Variants in CYP46A1 observed in about 807,000 individuals in gnomAD.
CYP46A1 encodes cholesterol 24-hydroxylase.
In CYP46A1, 20 loss-of-function variants were observed where a neutral mutation model predicts 63.3. The observed-to-expected ratio is 0.32, with a 90% confidence interval of 0.22 to 0.46. The LOEUF (loss-of-function observed/expected upper bound fraction) is 0.46, where lower values mean the gene tolerates loss of function less well. Ranked by LOEUF, CYP46A1 falls within the 20% of genes least tolerant of loss-of-function variation. The pLI is 1.00. For synonymous variants in CYP46A1, 268 were observed against 273.6 expected (o/e 0.98, Z 0.20); for missense variants, 445 against 670.8 (o/e 0.66, Z 3.72).
rs1463040084 is a variant in CYP46A1 at position 99,725,120 on chromosome 14, G to C, written c.1177-271G>C. On this transcript the variant is annotated intron_variant, in intron 12 of 14. Coordinates refer to ENST00000261835, the MANE Select transcript of CYP46A1 (RefSeq NM_006668.2). This position sits in a 1 kb window ranked among gnomAD's most constrained non-coding sequence, Gnocchi z 4.2. ...TCTCAGTTTCCTCATCTGTAAAATGGGGACAATGACGGCTCCCCTACAGGG... is the reference window on the plus strand; with the variant it reads ...TCTCAGTTTCCTCATCTGTAAAATGCGGACAATGACGGCTCCCCTACAGGG... Among the ~76,000 whole-genome samples, 1 of 152,150 alleles carries C rather than the reference G, an allele frequency of 6.6e-6. No individual in the cohort carries two copies. The highest frequency in any genetic ancestry group is 2.4e-5 in the African/African-American group (1 of 41,430).
chr14:99,688,532 G>A (rs560696969), intron 1 of CYP46A1, among the ~76,000 whole-genome samples: 1 of 152,214 alleles, frequency 6.6e-6, no homozygotes, highest in South Asian at 2.1e-4. Flanking sequence ...GGTAGCCCAG[G>A]CCAACCTGCC....
chr14:99,726,214 C>T lies in CYP46A1; in HGVS notation c.1290C>T (p.Phe430=). The T allele has an allele frequency of 6.2e-7, 1 of 1,613,992 alleles. No homozygotes were observed. Among genetic ancestry groups the T allele is most frequent in the Non-Finnish European group, 8.5e-7 (1 of 1,180,000 alleles). ...GGCCACGGTTCACCTACTTCCCCTT[C>T]TCCCTGGGCCACCGCTCCTGCATCG... is the stretch of plus-strand genomic sequence containing the variant. ...APKPRFTYFP[F]SLGHRSCIGQ... The change falls in exon 14 of 15, where the codon TTC becomes TTT. Residue 430 remains phenylalanine, a synonymous_variant. Transcript: ENST00000261835.
chr14:99,723,378 G>A (rs552543867), intron 12 of CYP46A1, among the ~76,000 whole-genome samples: 2 of 152,180 alleles, frequency 1.3e-5, no homozygotes, highest in East Asian at 3.9e-4. Context: ...GCGCCATCTC[G>A]GCTCACTGCA....
rs796648210 is a variant in CYP46A1, at chr14:99,713,878, A to AC, written c.694-1932_694-1931insC. Among the ~76,000 whole-genome samples the AC allele has an allele frequency of 1.1e-3, 161 of 149,616 alleles. 3 individuals are homozygous for AC. The East Asian group carries it at 0.021, about 19-fold the overall frequency. On this transcript the variant is annotated intron_variant, in intron 7 of 14. Coordinates refer to ENST00000261835, the MANE Select transcript of CYP46A1 (RefSeq NM_006668.2). ...GAGACTCCATCTCAAAAAAAAAAAAAAAAAAAAAAAAAGACGTGTGACTAT... is the reference window on the plus strand; with the variant it reads ...GAGACTCCATCTCAAAAAAAAAAAAACAAAAAAAAAAAAGACGTGTGACTAT...
chr14:99,718,229 C>CAGGGGAAGCAGGGCA, intron 10 of CYP46A1, 103 bp downstream of exon 10: 11 of 940,260 alleles, frequency 1.2e-5, no homozygotes, highest in Non-Finnish European at 1.8e-5. Context: ...TCAACATGCC[C>CAGGGGAAGCAGGGCA]TGCTTCCCCT....
At position 99,722,535 on chromosome 14, in the gene CYP46A1, T is replaced by C. The variant is rs1332873423; in HGVS notation, c.1176+469T>C. ...TTTATCCATTCATCCAGGCATTTACTCATGTATGATAGCCCCTAAACCCAC... is the reference window on the plus strand; with the variant it reads ...TTTATCCATTCATCCAGGCATTTACCCATGTATGATAGCCCCTAAACCCAC... On this transcript the variant is annotated intron_variant, in intron 12 of 14. Transcript: ENST00000261835. This position sits in a 1 kb window ranked among gnomAD's most constrained non-coding sequence, Gnocchi z 4.6. Among the ~76,000 whole-genome samples, 4 of 152,056 alleles carry C rather than the reference T, an allele frequency of 2.6e-5. No individual in the cohort carries two copies. The highest frequency in any genetic ancestry group is 5.9e-5 in the Non-Finnish European group (4 of 68,018).
At chr14:99,721,016 G>A (rs112598429) in intron 10 of CYP46A1, among the ~76,000 whole-genome samples, 7,016 of 151,910 alleles carry the variant, frequency 0.046, 511 homozygotes, top group African/African-American at 0.16. Flanking sequence ...ATCCTGGGGG[G>A]AGGGCGGAGG....
intron 5 of CYP46A1, among the ~76,000 whole-genome samples, chr14:99,703,042 G>T (rs929943201): frequency 1.3e-5 from 2 of 152,146 alleles, no homozygotes; most frequent in Admixed American, 6.5e-5. Context: ...GGACAGTTTT[G>T]TAGATGGTTC....
intron 1 of CYP46A1, among the ~76,000 whole-genome samples, chr14:99,687,227 CTTCT>C (rs1456274129): frequency 6.6e-6 from 1 of 152,200 alleles, no homozygotes; most frequent in African/African-American, 2.4e-5. Flanking sequence ...ACACCTGTAG[CTTCT>C]TTATTTCTCT....
intron 1 of CYP46A1, among the ~76,000 whole-genome samples, chr14:99,686,060 C>T (rs1182046619): frequency 6.6e-6 from 1 of 152,210 alleles, no homozygotes; most frequent in Non-Finnish European, 1.5e-5. Context: ...GGCCCCCTGT[C>T]TGTCTCAGTC....
intron 3 of CYP46A1, among the ~76,000 whole-genome samples, chr14:99,692,629 C>T (rs577740495): frequency 6.7e-6 from 1 of 150,268 alleles, no homozygotes; most frequent in African/African-American, 2.5e-5. Flanking sequence ...CAGGAGTTCG[C>T]GACCAGCCTG....
chr14:99,721,428 C>CT (rs2056845497), intron 11 of CYP46A1, 105 bp downstream of exon 11: 1 of 800,282 alleles, frequency 1.2e-6, no homozygotes, highest in East Asian at 2.6e-5. Context: ...AACTTTGCTG[C>CT]ATAGGGTCCT....
At chr14:99,707,451 A>T (rs1431837336) in intron 6 of CYP46A1, 117 bp from the exon 7 acceptor site, 1 of 709,998 alleles carries the variant, frequency 1.4e-6, no homozygotes, top group Non-Finnish European at 2.5e-6. Context: ...TGATGATATG[A>T]TGCATATAAA....
chr14:99,715,985 G>A (rs1359190735), intron 8 of CYP46A1, 25 bp downstream of exon 8: 5 of 1,596,148 alleles, frequency 3.1e-6, no homozygotes, highest in Non-Finnish European at 3.4e-6. Flanking sequence ...TCTGCGGACT[G>A]GGGAGGGCGG....
intron 3 of CYP46A1, among the ~76,000 whole-genome samples, chr14:99,698,157 C>T (rs1386767288): frequency 1.3e-5 from 2 of 151,974 alleles, no homozygotes; most frequent in East Asian, 3.9e-4. Flanking sequence ...CTGGGTTAAC[C>T]GATAGTTGAG....
chr14:99,707,725 T>A, intron 7 of CYP46A1, 47 bp downstream of exon 7: 1 of 1,552,718 alleles, frequency 6.4e-7, no homozygotes, highest in Non-Finnish European at 8.8e-7. Context: ...AGAGCTGTTG[T>A]CTTCATTTGC....
At chr14:99,710,543 TA>T (rs1232151173) in intron 7 of CYP46A1, 2 of 152,030 alleles carry the variant, frequency 1.3e-5, no homozygotes, top group African/African-American at 4.8e-5. Context: ...TTATATCAAA[TA>T]AAACAGACTT....
chr14:99,699,643 G>A (rs564183677), intron 4 of CYP46A1, 104 bp downstream of exon 4: 4 of 1,231,870 alleles, frequency 3.2e-6, no homozygotes, highest in African/African-American at 1.5e-5. Flanking sequence ...GAGGCCTGAG[G>A]CCCTGGCTGC....
At chr14:99,686,009 A>G (rs1351250613) in intron 1 of CYP46A1, among the ~76,000 whole-genome samples, 1 of 152,142 alleles carries the variant, frequency 6.6e-6, no homozygotes, top group Non-Finnish European at 1.5e-5. Flanking sequence ...TTAATTGGGC[A>G]ATTATTTGTG....
Sources: gnomAD v4.1 joint callset for allele counts (sites outside exome capture counted in the v4.1 genomes callset) on GRCh38, gnomAD v4.1.1 for gene constraint, Gnocchi (gnomAD v3.1) non-coding constraint, MANE v1.5 for transcripts, NCBI Gene and HGNC (gene_info 2026-07-23, HGNC 2026-07-21) for gene names.